COX15: variants seen among roughly 807,000 people sequenced by gnomAD.
The protein encoded by COX15 is cytochrome c oxidase assembly factor COX15, also known as heme A synthase COX15.
Under a neutral mutation model 51.9 loss-of-function variants are expected in COX15, and 51 were observed. The ratio of observed to expected loss-of-function variants is 0.98; its 90% CI spans 0.78 to 1.24. The LOEUF (loss-of-function observed/expected upper bound fraction) is 1.24. Among genes scored for constraint, COX15 ranks in the 50% most tolerant of loss-of-function variants. The probability of loss-of-function intolerance (pLI) is 0.00; values close to 1 mark genes in which losing one functional copy is unlikely to be tolerated. For synonymous variants in COX15, 188 were observed against 190.5 expected (o/e 0.99, Z 0.11); for missense variants, 420 against 501.1 (o/e 0.84, Z 1.55).
chr10:99,694,743 G>T, the COX15 span, among the ~76,000 whole-genome samples: 1 of 151,984 alleles, frequency 6.6e-6, no homozygotes, highest in African/African-American at 2.4e-5. Flanking sequence ...CACCATGTTG[G>T]CCAGGCTGGT....
At chr10:99,728,186 CTAGAAAG>C (rs2037023944) in intron 2 of COX15, among the ~76,000 whole-genome samples, 1 of 152,136 alleles carries the variant, frequency 6.6e-6, no homozygotes, top group Non-Finnish European at 1.5e-5. Context: ...TCTTGTCATA[CTAGAAAG>C]TAAGGAAACT....
chr10:99,727,618 A>G, intron 2 of COX15, 55 bp from the exon 3 acceptor site: 1 of 1,595,092 alleles, frequency 6.3e-7, no homozygotes, highest in Non-Finnish European at 8.6e-7. Context: ...TTACTCACAA[A>G]AGGTTTATAG....
At chr10:99,698,786 T>C in the COX15 span, 35 of 1,614,238 alleles carry the variant, frequency 2.2e-5, no homozygotes, top group East Asian at 1.1e-4. Context: ...TCTCTGAGTT[T>C]TTTTATTGTA....
chr10:99,714,770 T>A (rs755200493), intron 8 of COX15, 52 bp from the exon 9 acceptor site: 1 of 1,608,328 alleles, frequency 6.2e-7, no homozygotes, highest in Non-Finnish European at 8.5e-7. Flanking sequence ...AAAGTTCACA[T>A]TGAAAATGGC....
chr10:99,702,416 T>G, the COX15 span: 5 of 1,113,570 alleles, frequency 4.5e-6, 1 homozygote, highest in Non-Finnish European at 6.1e-6. Context: ...AGGTAGGTCT[T>G]TTAATAACTT....
chr10:99,716,290 G>C, intron 8 of COX15, 58 bp downstream of exon 8: 1 of 1,234,538 alleles, frequency 8.1e-7, no homozygotes, highest in Non-Finnish European at 1.2e-6. Flanking sequence ...ACTGTGCCCG[G>C]CCCCTTTTTT....
downstream of COX15, chr10:99,710,495 A>G (rs2036347091): frequency 1.0e-6 from 1 of 985,220 alleles, no homozygotes; most frequent in Non-Finnish European, 1.2e-6. Context: ...TGCTTTGGGG[A>G]GTTGTTAAGA....
intron 5 of COX15, 51 bp downstream of exon 5, chr10:99,723,905 A>G: frequency 2.5e-6 from 4 of 1,596,478 alleles, no homozygotes; most frequent in Non-Finnish European, 3.4e-6. Context: ...TATATATCCA[A>G]AAGAACCAAA....
At chr10:99,705,057 G>C in the COX15 span, 1 of 238,642 alleles carries the variant, frequency 4.2e-6, no homozygotes, top group Non-Finnish European at 8.4e-6. Context: ...AATGAAATTT[G>C]TAGCATCTGA....
the COX15 span, chr10:99,697,749 C>A: frequency 6.1e-6 from 1 of 163,260 alleles, no homozygotes; most frequent in Admixed American, 6.1e-5. Flanking sequence ...CCTGTGGGCG[C>A]ATCCTCATTC....
intron 4 of COX15, 52 bp from the exon 5 acceptor site, chr10:99,724,175 C>A: frequency 6.2e-7 from 1 of 1,604,942 alleles, no homozygotes; most frequent in Non-Finnish European, 8.5e-7. Flanking sequence ...ATGATCTGTT[C>A]AACTTTCTTT....
downstream of COX15, chr10:99,709,359 G>A: frequency 1.0e-6 from 1 of 985,342 alleles, no homozygotes; most frequent in Non-Finnish European, 1.2e-6. Context: ...AAGAATTATG[G>A]TAGAAATAGC....
At chr10:99,722,440 G>A (rs2036805139) in intron 5 of COX15, among the ~76,000 whole-genome samples, 1 of 152,040 alleles carries the variant, frequency 6.6e-6, no homozygotes, top group Non-Finnish European at 1.5e-5. Flanking sequence ...CTGAAAAGAA[G>A]GAATAGATTG....
At chr10:99,717,918 A>G (rs930587841) in intron 7 of COX15, among the ~76,000 whole-genome samples, 28 of 152,214 alleles carry the variant, frequency 1.8e-4, no homozygotes, top group Admixed American at 1.1e-3. Context: ...AAATAGAATG[A>G]AAAGTACTGG....
chr10:99,696,811 A>T, the COX15 span, among the ~76,000 whole-genome samples: 1 of 152,302 alleles, frequency 6.6e-6, no homozygotes, highest in African/African-American at 2.4e-5. Context: ...CATTAAATTT[A>T]CACAAAATTT....
intron 4 of COX15, among the ~76,000 whole-genome samples, chr10:99,725,320 T>C (rs1590099360): frequency 6.6e-6 from 1 of 152,228 alleles, no homozygotes; most frequent in Non-Finnish European, 1.5e-5. Context: ...GCAAGAGACA[T>C]TGAAAGATGA....
chr10:99,698,935 TGCAAAGG>T, the COX15 span: 2 of 1,347,534 alleles, frequency 1.5e-6, no homozygotes, highest in East Asian at 2.3e-5. Context: ...CCAGGTGCTG[TGCAAAGG>T]GCTTTGCATA....
At chr10:99,716,898 A>G (rs2036597973) in intron 7 of COX15, among the ~76,000 whole-genome samples, 1 of 152,028 alleles carries the variant, frequency 6.6e-6, no homozygotes, top group Non-Finnish European at 1.5e-5. Context: ...CTGGTGCTAA[A>G]AAAGACCTAA....
Position 99,729,451 on chromosome 10 carries a change from C to G in COX15, c.272+102G>C, listed in dbSNP as rs549619323. On this transcript the variant is annotated intron_variant, in intron 2 of 8. Transcript: ENST00000016171. ...CTCCAGCCTGGCCAACAGAGCAAGA[C>G]TCTGTCTCAAAAAAAAAAAAAAAAA... is the stretch of plus-strand genomic sequence containing the variant. The G allele has an allele frequency of 3.2e-4, 397 of 1,236,942 alleles. 2 individuals are homozygous for G. In the East Asian group the frequency reaches 9.1e-3, roughly 28 times the overall value. The allele number at this position is 1,236,942 out of a possible 1,614,324, so 76.6% of individuals were successfully genotyped here.
Sources: allele counts gnomAD v4.1 joint callset (sites outside exome capture counted in the v4.1 genomes callset), GRCh38; gene constraint gnomAD v4.1.1; transcripts MANE v1.5; gene names NCBI Gene and HGNC (gene_info 2026-07-23, HGNC 2026-07-21).